TGM3: variants seen among roughly 807,000 people sequenced by gnomAD.
TGM3 encodes the protein protein-glutamine gamma-glutamyltransferase E.
A neutral mutation model predicts 73.8 loss-of-function variants in TGM3; 52 were observed. The observed-to-expected ratio is 0.70, with a 90% confidence interval of 0.56 to 0.89. The LOEUF (loss-of-function observed/expected upper bound fraction) is 0.89. Ranked by LOEUF, TGM3 falls within the 40% of genes least tolerant of loss-of-function variation. The pLI, the probability that TGM3 is intolerant of heterozygous loss-of-function variation, is 0.00. For synonymous variants in TGM3, 372 were observed against 354.9 expected (o/e 1.05, Z -0.54); for missense variants, 928 against 909.9 (o/e 1.02, Z -0.26).
Position 2,311,049 on chromosome 20 carries a change from G to T in TGM3, c.460G>T (p.Glu154Ter). The change falls in exon 4 of 13, where the codon GAG becomes TAG. Residue 154 changes from glutamate (E) to a stop codon, truncating the protein, a stop_gained. Transcript: ENST00000381458. LOFTEE classifies it high-confidence loss of function. Reference sequence around the variant, plus strand: ...TATGGGTAACCACGCTGAGAGAGAAGAGTATGTTCAGGAAGATGCCGGCAT... The same window carrying T: ...TATGGGTAACCACGCTGAGAGAGAATAGTATGTTCAGGAAGATGCCGGCAT... ...VFMGNHAEREEYVQEDAGIIF... is the reference protein window; with the variant it reads ...VFMGNHAERE The T allele has an allele frequency of 3.1e-6, 5 of 1,614,122 alleles. No individual in the cohort carries two copies. Among genetic ancestry groups the T allele is most frequent in the South Asian group, 2.2e-5 (2 of 91,078 alleles).
intron 12 of TGM3, 46 bp downstream of exon 12, chr20:2,340,033 C>CGGGGGAAGGGGGGGGGGGGGGGGGG: frequency 5.1e-6 from 1 of 196,580 alleles, no homozygotes; most frequent in Non-Finnish European, 9.7e-6. Context: ...CGGGAGGGGG[C>CGGGGGAAGGGGGGGGGGGGGGGGGG]GGGGGGGCCC....
intron 1 of TGM3, among the ~76,000 whole-genome samples, chr20:2,301,285 G>C (rs1251350339): frequency 1.3e-5 from 2 of 151,318 alleles, no homozygotes; most frequent in African/African-American, 4.9e-5. Context: ...CAGTGTCTAG[G>C]GGTGGGAAGT....
intron 7 of TGM3, among the ~76,000 whole-genome samples, chr20:2,323,857 T>A (rs1327876287): frequency 1.3e-5 from 2 of 152,244 alleles, no homozygotes; most frequent in Admixed American, 1.3e-4. Context: ...TGGTGGTTAT[T>A]TGTATTTCTT....
chr20:2,340,099 C>G (rs1031557375), intron 12 of TGM3, 112 bp downstream of exon 12: 1 of 1,330,686 alleles, frequency 7.5e-7, no homozygotes, highest in Non-Finnish European at 1.0e-6. Flanking sequence ...GTTCTTTACT[C>G]TTTTGGGGGT....
chr20:2,315,132 CTT>C (rs2084226542), intron 5 of TGM3, among the ~76,000 whole-genome samples: 1 of 152,192 alleles, frequency 6.6e-6, no homozygotes, highest in Non-Finnish European at 1.5e-5. Flanking sequence ...GGCTGAGTCT[CTT>C]TGGCCTAGGA....
Position 2,332,646 on chromosome 20 carries a change from G to A in TGM3, c.1642+336G>A, listed in dbSNP as rs113668961. Among the ~76,000 whole-genome samples, 1,400 of 152,282 alleles carry A rather than the reference G, an allele frequency of 9.2e-3. 20 individuals are homozygous for A. Among genetic ancestry groups the A allele is most frequent in the African/African-American group, 0.032 (1,336 of 41,556 alleles). On this transcript the variant is annotated intron_variant, in intron 10 of 12. Transcript: ENST00000381458. The surrounding 1 kb of genome is among the most constrained non-coding windows in gnomAD (Gnocchi z 4.4). ...GTCTAAAAAAAGGCAGATTTTCAGT[G>A]TCCATCTTATAGAAGCAGAAAGTGA...
chr20:2,336,213 G>A (rs2084350507), intron 11 of TGM3, among the ~76,000 whole-genome samples: 3 of 150,926 alleles, frequency 2.0e-5, no homozygotes, highest in Non-Finnish European at 4.4e-5. Context: ...TGTAGCCCCT[G>A]TGCCTGATCC....
intron 1 of TGM3, among the ~76,000 whole-genome samples, chr20:2,304,891 G>A (rs142420126): frequency 7.2e-5 from 11 of 152,222 alleles, no homozygotes; most frequent in Non-Finnish European, 1.5e-4. Context: ...GATTTAAATC[G>A]GGAGTTCCCA....
rs1398171658 is a variant in TGM3 at position 2,332,386 on chromosome 20, C to T, written c.1642+76C>T. On this transcript the variant is annotated intron_variant, in intron 10 of 12. Coordinates refer to ENST00000381458, the MANE Select transcript of TGM3 (RefSeq NM_003245.4). This position sits in a 1 kb window ranked among gnomAD's most constrained non-coding sequence, Gnocchi z 4.4. ...GCCTTCTGGGGCTGCAGGGTGTCTG[C>T]TGGGCTCCAGGTTAGTCAGCTACGA... The T allele has an allele frequency of 9.9e-6, 14 of 1,408,254 alleles. No individual in the cohort carries two copies. Among genetic ancestry groups the T allele is most frequent in the Non-Finnish European group, 2.8e-6 (3 of 1,059,468 alleles). 87.2% of individuals were successfully genotyped at this position (1,408,254 alleles called of 1,614,324 possible). A position where few individuals can be genotyped will look rare whatever the true frequency, so the allele number is the denominator to read the frequency against.
chr20:2,298,702 C>G (rs2084125015), intron 1 of TGM3, among the ~76,000 whole-genome samples: 1 of 152,182 alleles, frequency 6.6e-6, no homozygotes, highest in African/African-American at 2.4e-5. Flanking sequence ...TGGAAGCGGT[C>G]AGGAATTGCT....
intron 11 of TGM3, among the ~76,000 whole-genome samples, chr20:2,338,225 G>T (rs1200497462): frequency 6.6e-6 from 1 of 152,178 alleles, no homozygotes; most frequent in Middle Eastern, 3.2e-3. Context: ...TGTTTCCAAA[G>T]GGTGATGTCC....
At chr20:2,301,444 T>C (rs1190111460) in intron 1 of TGM3, among the ~76,000 whole-genome samples, 1 of 140,142 alleles carries the variant, frequency 7.1e-6, no homozygotes, top group Non-Finnish European at 1.6e-5. Flanking sequence ...GTGGGCATAC[T>C]AGATTACATC....
intron 5 of TGM3, among the ~76,000 whole-genome samples, chr20:2,316,334 C>T (rs563076559): frequency 6.4e-4 from 97 of 152,306 alleles, no homozygotes; most frequent in African/African-American, 2.2e-3. Flanking sequence ...AATCCCAGCA[C>T]TTTGGGAGCT....
intron 1 of TGM3, among the ~76,000 whole-genome samples, chr20:2,299,497 G>A (rs1207116367): frequency 2.0e-5 from 3 of 152,232 alleles, no homozygotes; most frequent in South Asian, 2.1e-4. Context: ...CAGGGCCCAC[G>A]TGCCAGGCTG....
chr20:2,300,906 G>A (rs1210476346), intron 1 of TGM3, among the ~76,000 whole-genome samples: 3 of 152,024 alleles, frequency 2.0e-5, no homozygotes, highest in African/African-American at 7.2e-5. Flanking sequence ...TGCTAGTGAT[G>A]GGTATATGTT....
Position 2,313,019 on chromosome 20 carries a change from G to A in TGM3, c.662G>A (p.Ser221Asn), listed in dbSNP as rs530116639. Residue 221 changes from serine to asparagine, a missense_variant, in exon 5 of 13, where the codon AGT (serine) becomes AAT (asparagine). Ser to Asn is a conservative substitution (Grantham distance 46). Coordinates refer to ENST00000381458, the MANE Select transcript of TGM3 (RefSeq NM_003245.4). ...NDPKYVGRVLSAMINSNDDNG... is the reference protein window; with the variant it reads ...NDPKYVGRVLNAMINSNDDNG... ...CCCAAATACGTTGGCCGGGTGCTGA[G>A]TGCCATGGTGAGTAACAGGAAAACG... The A allele has an allele frequency of 5.0e-6, 8 of 1,614,154 alleles. No individual in the cohort carries two copies. The Admixed American group carries it at 6.7e-5, about 13-fold the overall frequency.
At position 2,310,372 on chromosome 20, in the gene TGM3, G is replaced by C. The variant is rs1325264888; in HGVS notation, c.376G>C (p.Val126Leu). The change falls in exon 3 of 13, where the codon GTG becomes CTG. Residue 126 changes from valine (V) to leucine (L), a missense_variant. Val to Leu is a conservative substitution (Grantham distance 32). Coordinates refer to ENST00000381458, the MANE Select transcript of TGM3 (RefSeq NM_003245.4). ...CTTCTCCCAGGGCGGCATCTCCTCT[G>C]TGAAACTTGGGACGTTCATACTGCT... ...QIFSQGGISSVKLGTFILLFN... is the reference protein window; with the variant it reads ...QIFSQGGISSLKLGTFILLFN... The C allele has an allele frequency of 6.2e-7, 1 of 1,614,116 alleles. No individual in the cohort carries two copies. The highest frequency in any genetic ancestry group is 1.7e-5 in the Admixed American group (1 of 60,008).
chr20:2,336,810 G>T (rs1464242251), intron 11 of TGM3, among the ~76,000 whole-genome samples: 1 of 151,864 alleles, frequency 6.6e-6, no homozygotes, highest in Non-Finnish European at 1.5e-5. Flanking sequence ...TTGATCAGTG[G>T]TGACACTGAG....
chr20:2,302,312 ACAGT>A (rs2084152543), intron 1 of TGM3, among the ~76,000 whole-genome samples: 1 of 152,176 alleles, frequency 6.6e-6, no homozygotes, highest in Non-Finnish European at 1.5e-5. Context: ...CTTCCCTTTC[ACAGT>A]CTGGAGTCTT....
Sources: gnomAD v4.1 joint callset for allele counts (sites outside exome capture counted in the v4.1 genomes callset) on GRCh38, gnomAD v4.1.1 for gene constraint, Gnocchi (gnomAD v3.1) non-coding constraint, MANE v1.5 for transcripts, NCBI Gene and HGNC (gene_info 2026-07-23, HGNC 2026-07-21) for gene names.